Variants in FAM13A observed in about 807,000 individuals in gnomAD.
FAM13A encodes family with sequence similarity 13 member A, also known as protein FAM13A.
In FAM13A, 76 loss-of-function variants were observed where a neutral mutation model predicts 129.6. The ratio of observed to expected loss-of-function variants is 0.59; its 90% confidence interval spans 0.49 to 0.71. The LOEUF is 0.71. Ranked by LOEUF, FAM13A falls within the 30% of genes least tolerant of loss-of-function variation. The pLI is 0.00. For synonymous variants in FAM13A, 443 were observed against 449.9 expected (o/e 0.98, Z 0.20); for missense variants, 1,108 against 1,249.3 (o/e 0.89, Z 1.70).
intron 11 of FAM13A, among the ~76,000 whole-genome samples, chr4:88,775,801 A>G (rs1281838289): frequency 6.6e-6 from 1 of 152,210 alleles, no homozygotes; most frequent in Non-Finnish European, 1.5e-5. Context: ...GAGCAGAGGG[A>G]GCAGAAACGT....
intron 14 of FAM13A, among the ~76,000 whole-genome samples, chr4:88,754,180 C>T (rs1307461100): frequency 6.6e-6 from 1 of 152,146 alleles, no homozygotes. Flanking sequence ...TATGACATGC[C>T]TCTCTATTAA....
intron 2 of FAM13A, among the ~76,000 whole-genome samples, chr4:89,027,882 G>C (rs1768173861): frequency 6.6e-6 from 1 of 152,010 alleles, no homozygotes; most frequent in Non-Finnish European, 1.5e-5. Flanking sequence ...ATCTCATCAT[G>C]CTACTGAGAA....
chr4:88,756,446 T>C (rs542280474), intron 14 of FAM13A, among the ~76,000 whole-genome samples: 2 of 152,300 alleles, frequency 1.3e-5, no homozygotes, highest in African/African-American at 4.8e-5. Context: ...AGTTAAGTAT[T>C]GCTTCACCTG....
chr4:88,960,835 T>A (rs1044019775), intron 4 of FAM13A, among the ~76,000 whole-genome samples: 3 of 152,150 alleles, frequency 2.0e-5, no homozygotes, highest in Non-Finnish European at 4.4e-5. Context: ...AAAGCAGAAA[T>A]TGTGCAAACC....
Position 89,003,700 on chromosome 4 carries a change from C to T in FAM13A, c.428-12550G>A, listed in dbSNP as rs767036200. 1.7e-4 allele frequency among the ~76,000 whole-genome samples: 26 copies of T among 151,598 alleles called. 1 individual carries two copies. The highest frequency in any genetic ancestry group is 3.5e-4 in the Non-Finnish European group (24 of 67,930). ...AAATATTGTCAGAAAATATCTCACA[C>T]ACCATATACCCTCTTACGTAATTAT... On this transcript the variant is annotated intron_variant, in intron 3 of 23. Coordinates refer to ENST00000264344, the MANE Select transcript of FAM13A (RefSeq NM_014883.4).
At chr4:88,842,266 A>G (rs1015493785) in intron 7 of FAM13A, among the ~76,000 whole-genome samples, 1 of 152,180 alleles carries the variant, frequency 6.6e-6, no homozygotes, top group African/African-American at 2.4e-5. Flanking sequence ...GGAGAAGGAC[A>G]CTCCAGATAA....
intron 6 of FAM13A, among the ~76,000 whole-genome samples, chr4:88,882,794 A>G (rs1163828438): frequency 6.6e-6 from 1 of 152,192 alleles, no homozygotes; most frequent in Non-Finnish European, 1.5e-5. Context: ...AAAGACTCAC[A>G]TAAACTTAAT....
At chr4:88,742,396 G>A (rs1740447865) in intron 19 of FAM13A, among the ~76,000 whole-genome samples, 1 of 152,042 alleles carries the variant, frequency 6.6e-6, no homozygotes, top group African/African-American at 2.4e-5. Context: ...ATCACCTGTG[G>A]GTGATCTGAC....
chr4:88,869,420 T>C (rs1740982051), intron 6 of FAM13A, among the ~76,000 whole-genome samples: 1 of 152,190 alleles, frequency 6.6e-6, no homozygotes, highest in African/African-American at 2.4e-5. Flanking sequence ...CCTCCTGCAG[T>C]GGCCTCCCTT....
chr4:88,737,592 C>CCCCTTT, intron 20 of FAM13A, 37 bp from the exon 21 acceptor site: 2 of 1,557,302 alleles, frequency 1.3e-6, no homozygotes, highest in Non-Finnish European at 1.8e-6. Context: ...ACATTCCGAA[C>CCCCTTT]CCCTTTCCCT....
intron 7 of FAM13A, among the ~76,000 whole-genome samples, chr4:88,834,336 C>A (rs954759663): frequency 6.6e-6 from 1 of 151,748 alleles, no homozygotes; most frequent in African/African-American, 2.4e-5. Context: ...AACCAAAAAT[C>A]TTTTTTTCCT....
intron 2 of FAM13A, among the ~76,000 whole-genome samples, chr4:89,022,766 C>T (rs533605626): frequency 1.3e-5 from 2 of 152,194 alleles, no homozygotes; most frequent in Non-Finnish European, 2.9e-5. Flanking sequence ...CTCTCTCCCC[C>T]TCTCTCTGTC....
rs765968303 is a variant in FAM13A, at chr4:88,750,509, G to T, written c.1855C>A (p.Arg619=). ...DEDSDPMLSP[R]FYAYGQSRQY... ...CTGCTCTGCCCATAAGCGTAGAACC[G>T]AGGAGAGAGCATGGGGTCGCTGTCT... Residue 619 remains arginine, a synonymous_variant, in exon 15 of 24, where the codon CGG becomes AGG. Transcript: ENST00000264344. 6.2e-7 allele frequency: 1 copy of T among 1,614,118 alleles called. No individual in the cohort carries two copies. The highest frequency in any genetic ancestry group is 1.1e-5 in the South Asian group (1 of 91,078).
chr4:88,769,227 A>G (rs190684021), intron 11 of FAM13A, among the ~76,000 whole-genome samples: 2 of 152,324 alleles, frequency 1.3e-5, no homozygotes, highest in East Asian at 3.9e-4. Flanking sequence ...ATAAACACAT[A>G]GAGGAGAAAA....
intron 11 of FAM13A, among the ~76,000 whole-genome samples, chr4:88,768,990 T>C (rs749218009): frequency 6.6e-6 from 1 of 152,220 alleles, no homozygotes; most frequent in Non-Finnish European, 1.5e-5. Context: ...ATAGCTGCCT[T>C]GGAAATTTGG....
At chr4:88,775,301 A>T (rs1721460339) in intron 11 of FAM13A, among the ~76,000 whole-genome samples, 1 of 152,202 alleles carries the variant, frequency 6.6e-6, no homozygotes. Context: ...CAGTCATAGC[A>T]CAAAAGACCA....
Position 88,951,923 on chromosome 4 carries a change from G to A in FAM13A, c.606-13682C>T, listed in dbSNP as rs1371450752. Among the ~76,000 whole-genome samples, 25 of 152,076 alleles carry A rather than the reference G, an allele frequency of 1.6e-4. 1 individual carries two copies. Among genetic ancestry groups the A allele is most frequent in the Admixed American group, 1.6e-3 (25 of 15,268 alleles). On this transcript the variant is annotated intron_variant, in intron 4 of 23. Transcript: ENST00000264344. ...AGCCTAGTACTATGCATGACTTAGAGGGAACTAAAATTTGCATACTCTTAG... is the reference window on the plus strand; with the variant it reads ...AGCCTAGTACTATGCATGACTTAGAAGGAACTAAAATTTGCATACTCTTAG...
At chr4:88,944,180 T>C (rs1579406971) in intron 4 of FAM13A, among the ~76,000 whole-genome samples, 1 of 152,030 alleles carries the variant, frequency 6.6e-6, no homozygotes, top group Non-Finnish European at 1.5e-5. Flanking sequence ...CTGGGCGACA[T>C]AGTGAGACCC....
chr4:88,969,785 C>G (rs1759829668), intron 4 of FAM13A, among the ~76,000 whole-genome samples: 2 of 152,160 alleles, frequency 1.3e-5, no homozygotes, highest in African/African-American at 4.8e-5. Context: ...GAGGAGGAAA[C>G]AAACTCAGAA....
Sources: gnomAD v4.1 joint callset for allele counts (sites outside exome capture counted in the v4.1 genomes callset) on GRCh38, gnomAD v4.1.1 for gene constraint, MANE v1.5 for transcripts, NCBI Gene and HGNC (gene_info 2026-07-23, HGNC 2026-07-21) for gene names.